Variants in SMC2 observed in about 807,000 individuals in gnomAD.
SMC2 encodes structural maintenance of chromosomes 2, also known as structural maintenance of chromosomes protein 2.
Under a neutral mutation model 142.6 loss-of-function variants are expected in SMC2, and 41 were observed. The observed-to-expected ratio is 0.29, with a 90% CI of 0.22 to 0.37. The LOEUF (loss-of-function observed/expected upper bound fraction) is 0.37, where lower values mean the gene tolerates loss of function less well. SMC2 is among the 10% of genes least tolerant of loss of function. The pLI, the probability that SMC2 is intolerant of heterozygous loss-of-function variation, is 1.00. For missense variants in SMC2, 1,265 were observed against 1,373.7 expected (o/e 0.92, Z 1.25); for synonymous variants, 463 against 457.5 (o/e 1.01, Z -0.15).
At chr9:104,107,337 A>C (rs1171999104) in intron 9 of SMC2, among the ~76,000 whole-genome samples, 1 of 152,152 alleles carries the variant, frequency 6.6e-6, no homozygotes, top group East Asian at 1.9e-4. Flanking sequence ...CAAGCAACTT[A>C]AAGTTCAACT....
chr9:104,116,122 A>T, intron 13 of SMC2, 78 bp from the exon 14 acceptor site: 1 of 1,271,586 alleles, frequency 7.9e-7, no homozygotes, highest in East Asian at 2.5e-5. Flanking sequence ...TTCATTTATT[A>T]TAGACTACTA....
chr9:104,137,871 A>C, intron 23 of SMC2, 147 bp from the exon 24 acceptor site: 1 of 441,718 alleles, frequency 2.3e-6, no homozygotes, highest in Non-Finnish European at 3.7e-6. Context: ...AAAGTGTTAA[A>C]GTTTGAAACT....
intron 7 of SMC2, among the ~76,000 whole-genome samples, chr9:104,101,529 A>T (rs909368320): frequency 6.6e-6 from 1 of 152,184 alleles, no homozygotes; most frequent in Non-Finnish European, 1.5e-5. Flanking sequence ...GATTTTAGTT[A>T]TTACTTTGTC....
In SMC2 at chr9:104,094,367, C is replaced by T. The variant is rs1830202626; in HGVS notation, c.-172C>T. 1 of 398,662 alleles carries T rather than the reference C, an allele frequency of 2.5e-6. No individual in the cohort carries two copies. The highest frequency in any genetic ancestry group is 2.1e-5 in the African/African-American group (1 of 48,626). The allele number at this position is 398,662 out of a possible 1,614,324, so 24.7% of individuals were successfully genotyped here. ...AGCGGTGTGGCAGGTGTTGTAGCCG[C>T]TATGGTGAAGTTCGCTTTGTAGCGG... On this transcript the variant is annotated 5_prime_UTR_variant, in exon 1 of 25. Transcript: ENST00000374793.
At chr9:104,111,932 GT>G in intron 10 of SMC2, 118 bp downstream of exon 10, 1 of 733,928 alleles carries the variant, frequency 1.4e-6, no homozygotes, top group South Asian at 2.0e-5. Flanking sequence ...GAACTTGTTT[GT>G]TTACTTTATT....
chr9:104,130,794 C>T (rs1352495756), intron 21 of SMC2, among the ~76,000 whole-genome samples: 1 of 152,100 alleles, frequency 6.6e-6, no homozygotes, highest in Non-Finnish European at 1.5e-5. Context: ...GAAACTTGTT[C>T]ACTTTTACTC....
chr9:104,099,723 G>C (rs771689108), intron 5 of SMC2, 41 bp downstream of exon 5: 1 of 1,184,612 alleles, frequency 8.4e-7, no homozygotes, highest in Non-Finnish European at 1.2e-6. Flanking sequence ...AGTTGGTATA[G>C]ATATTACTTT....
chr9:104,097,129 T>TC (rs1830527087), intron 3 of SMC2, among the ~76,000 whole-genome samples: 1 of 147,918 alleles, frequency 6.8e-6, no homozygotes, highest in East Asian at 1.9e-4. Flanking sequence ...GTTTTTTTTT[T>TC]TTTTTTTTTT....
At chr9:104,121,348 TAGTC>T (rs1833712301) in intron 16 of SMC2, among the ~76,000 whole-genome samples, 2 of 151,804 alleles carry the variant, frequency 1.3e-5, no homozygotes, top group Admixed American at 1.3e-4. Flanking sequence ...ACAAAAAAGT[TAGTC>T]AGGCGTGGTG....
intron 9 of SMC2, among the ~76,000 whole-genome samples, chr9:104,108,662 C>T (rs1213914533): frequency 6.6e-6 from 1 of 152,180 alleles, no homozygotes; most frequent in African/African-American, 2.4e-5. Context: ...GAAGCAAGTT[C>T]AGTATGCACT....
At chr9:104,105,848 T>C (rs1831706024) in intron 9 of SMC2, among the ~76,000 whole-genome samples, 1 of 152,162 alleles carries the variant, frequency 6.6e-6, no homozygotes, top group African/African-American at 2.4e-5. Flanking sequence ...CATCTTATCA[T>C]GTTACCCGCC....
chr9:104,139,249 T>C lies in SMC2; in HGVS notation c.3528T>C (p.Asn1176=). ...STVARFTQCQ[N]GKISKEAKSK... is the part of the protein sequence containing the mutation. ...TAGCCAGATTTACTCAATGTCAAAA[T>C]GGAAAGATTTCAAAGGAAGCAAAAT... Residue 1176 remains asparagine, a synonymous_variant, in exon 25 of 25, where the codon AAT becomes AAC. Transcript: ENST00000374793. 1 of 1,601,684 alleles carries C rather than the reference T, an allele frequency of 6.2e-7. No individual in the cohort carries two copies. Among genetic ancestry groups the C allele is most frequent in the Non-Finnish European group, 8.5e-7 (1 of 1,175,908 alleles).
intron 13 of SMC2, among the ~76,000 whole-genome samples, chr9:104,115,557 C>T (rs1166335237): frequency 4.6e-5 from 7 of 151,528 alleles, no homozygotes; most frequent in Non-Finnish European, 1.5e-5. Context: ...TGCGCTCCTG[C>T]CTGGGCAACA....
In SMC2 at chr9:104,098,487, C is replaced by T; in HGVS notation, c.360C>T (p.Val120=). 6.3e-7 allele frequency: 1 copy of T among 1,595,248 alleles called. No individual in the cohort carries two copies. The highest frequency in any genetic ancestry group is 8.5e-7 in the Non-Finnish European group (1 of 1,172,896). ...GAAATAAATATTTAATCAATGGAGT[C>T]AATGCCAACAACACCAGAGTACAGG... The part of the protein sequence containing the change: ...GGRNKYLING[V]NANNTRVQDL... The change falls in exon 4 of 25, where the codon GTC becomes GTT. Residue 120 remains valine (V), a synonymous_variant. Transcript: ENST00000374793.
At position 104,101,878 on chromosome 9, in the gene SMC2, A is replaced by G. The variant is rs745582563; in HGVS notation, c.637-82A>G. On this transcript the variant is annotated intron_variant, in intron 7 of 24. Transcript: ENST00000374793. ...ACAGGACAAAATCTATTATGTAATG[A>G]GAAATTTGTTTCATCTTGCATAATT... is the stretch of plus-strand genomic sequence containing the variant. 1.8e-4 allele frequency: 141 copies of G among 800,520 alleles called. 1 individual carries two copies. Among genetic ancestry groups the G allele is most frequent in the Non-Finnish European group, 2.6e-4 (127 of 491,066 alleles). 49.6% of individuals were successfully genotyped at this position (800,520 alleles called of 1,614,324 possible).
intron 16 of SMC2, among the ~76,000 whole-genome samples, chr9:104,122,196 A>C (rs899437300): frequency 3.3e-5 from 5 of 152,326 alleles, no homozygotes; most frequent in Admixed American, 3.3e-4. Context: ...TTTGTTCAGT[A>C]GTATTGGATC....
chr9:104,123,098 T>C lies in SMC2; in HGVS notation c.2133-10T>C. The C allele has an allele frequency of 6.3e-7, 1 of 1,595,626 alleles. No individual in the cohort carries two copies. The highest frequency in any genetic ancestry group is 1.1e-5 in the South Asian group (1 of 87,102). Reference sequence around the variant, plus strand: ...GACAGTCATTTCTTACATGTTTCTGTTTTTGTAAGGTATCGCCAACTAAAA... The same window carrying C: ...GACAGTCATTTCTTACATGTTTCTGCTTTTGTAAGGTATCGCCAACTAAAA... On this transcript the variant is annotated splice_polypyrimidine_tract_variant and intron_variant, in intron 16 of 24. Transcript: ENST00000374793.
intron 23 of SMC2, among the ~76,000 whole-genome samples, chr9:104,137,017 A>G (rs544476246): frequency 6.6e-6 from 1 of 152,142 alleles, no homozygotes; most frequent in South Asian, 2.1e-4. Context: ...GTGTGGTGGC[A>G]TGCACCTGTA....
At position 104,125,048 on chromosome 9, in the gene SMC2, G is replaced by A. The variant is rs1834110692; in HGVS notation, c.2394G>A (p.Leu798=). 6.2e-7 allele frequency: 1 copy of A among 1,601,672 alleles called. No homozygotes were observed. The highest frequency in any genetic ancestry group is 8.5e-7 in the Non-Finnish European group (1 of 1,177,074). Residue 798 remains leucine (L), a synonymous_variant, in exon 18 of 25, where the codon CTG becomes CTA. Coordinates refer to ENST00000374793, the MANE Select transcript of SMC2 (RefSeq NM_006444.3). ...ERELKDAQKK[L]DCAKTKADAS... is the part of the protein sequence containing the mutation. Reference sequence around the variant, plus strand: ...AACTGAAAGATGCTCAGAAAAAACTGGATTGTGCCAAAACAAAGGCAGATG... The same window carrying A: ...AACTGAAAGATGCTCAGAAAAAACTAGATTGTGCCAAAACAAAGGCAGATG...
Sources: gnomAD v4.1 joint callset for allele counts (sites outside exome capture counted in the v4.1 genomes callset) on GRCh38, gnomAD v4.1.1 for gene constraint, MANE v1.5 for transcripts, NCBI Gene and HGNC (gene_info 2026-07-23, HGNC 2026-07-21) for gene names.